Variants in CD5 observed in about 807,000 individuals in gnomAD.
CD5 encodes T-cell surface glycoprotein CD5.
Under a neutral mutation model 60.3 loss-of-function variants are expected in CD5, and 36 were observed. That is an observed-to-expected ratio of 0.60 (90% CI 0.46 to 0.79). The LOEUF is 0.79. Ranked by LOEUF, CD5 falls within the 30% of genes least tolerant of loss-of-function variation. CD5 has a pLI of 0.00. For missense variants in CD5, 540 were observed against 630.6 expected, an observed-to-expected ratio of 0.86 and a Z score of 1.54; for synonymous variants, 230 against 257.6, an observed-to-expected ratio of 0.89 and a Z score of 1.03.
At chr11:61,095,704 G>A in the CD5 span, among the ~76,000 whole-genome samples, 2 of 152,282 alleles carry the variant, frequency 1.3e-5, no homozygotes, top group African/African-American at 2.4e-5. Flanking sequence ...AGACGGTACC[G>A]TGAGGCATTA....
rs12421253 is a variant in CD5 at position 61,122,002 on chromosome 11, T to C, written c.1099+98T>C. ...TCTCTAAAGGGAAGCCCTGGGGAGC[T>C]AGACAGAGAGTCCCAGAGACCCAGA... On this transcript the variant is annotated intron_variant, in intron 6 of 10. Transcript: ENST00000347785. 3,974 of 1,097,082 alleles carry C rather than the reference T, an allele frequency of 3.6e-3. 98 individuals carry two copies. In the Admixed American group the frequency reaches 0.047, roughly 13 times the overall value. The allele number at this position is 1,097,082 out of a possible 1,614,324, so 68.0% of individuals were successfully genotyped here. A position where few individuals can be genotyped will look rare whatever the true frequency, so the allele number is the denominator to read the frequency against.
rs2134589873 is a variant in CD5, at chr11:61,102,523, C to T, written c.-38C>T. The T allele has an allele frequency of 4.5e-6, 7 of 1,543,600 alleles. No individual in the cohort carries two copies. The highest frequency in any genetic ancestry group is 6.2e-6 in the Non-Finnish European group (7 of 1,138,136). On this transcript the variant is annotated 5_prime_UTR_variant, in exon 1 of 11. Coordinates refer to ENST00000347785, the MANE Select transcript of CD5 (RefSeq NM_014207.4). Reference sequence around the variant, plus strand: ...GGCCAGACACCCTCACCTGCGGTGCCCAGCTGCCCAGGCTGAGGCAAGAGA... The same window carrying T: ...GGCCAGACACCCTCACCTGCGGTGCTCAGCTGCCCAGGCTGAGGCAAGAGA...
rs637186 is a variant in CD5 at position 61,125,134 on chromosome 11, A to G, written c.1382A>G (p.His461Arg). 0.92 allele frequency: 1,488,371 copies of G among 1,613,890 alleles called. 686,879 individuals are homozygous for G. The highest frequency in any genetic ancestry group is 1 in the East Asian group (44,826 of 44,838). ...TACAGCCAACCTCCCAGGAACTCCC[A>G]CCTGTCAGCTTATCCAGGTAAGCAC... ...NEYSQPPRNS[H>R]LSAYPALEGA... Residue 461 changes from histidine (H) to arginine (R), a missense_variant, in exon 9 of 11, where the codon CAC (histidine) becomes CGC (arginine). His to Arg is a conservative substitution (Grantham distance 29). Transcript: ENST00000347785.
At chr11:61,111,625 T>C (rs564107729) in intron 1 of CD5, among the ~76,000 whole-genome samples, 2 of 152,260 alleles carry the variant, frequency 1.3e-5, no homozygotes, top group African/African-American at 4.8e-5. Context: ...GACAAACCCA[T>C]TGCAAACTTG....
At chr11:61,102,709 CA>C in intron 1 of CD5, 94 bp downstream of exon 1, 1 of 1,085,866 alleles carries the variant, frequency 9.2e-7, no homozygotes, top group Non-Finnish European at 1.4e-6. Context: ...CTCTGGGATC[CA>C]CATGTCAGCC....
intron 7 of CD5, among the ~76,000 whole-genome samples, chr11:61,123,404 T>G (rs1861098043): frequency 6.6e-6 from 1 of 151,888 alleles, no homozygotes; most frequent in African/African-American, 2.4e-5. Context: ...CCCAAGATGC[T>G]GATTGGGACA....
chr11:61,118,952 G>A lies in CD5; in HGVS notation c.438G>A (p.Pro146=), dbSNP rs753011554. 6.9e-5 allele frequency: 112 copies of A among 1,613,492 alleles called. 1 individual carries two copies. Among genetic ancestry groups the A allele is most frequent in the South Asian group, 5.5e-4 (50 of 91,056 alleles). ...QKTTPPTTRP[P]PTTTPEPTAP... is the part of the protein sequence containing the mutation. The stretch of plus-strand genomic sequence containing the variant: ...CAACACCTCCAACGACAAGGCCCCC[G>A]CCCACCACAACTCCAGAGCCCACAG... Residue 146 remains proline (P), a synonymous_variant, in exon 4 of 11, where the codon CCG becomes CCA. Transcript: ENST00000347785. The surrounding 1 kb of genome is among the most constrained non-coding windows in gnomAD (Gnocchi z 4.7).
chr11:61,122,035 G>C, intron 6 of CD5, 131 bp downstream of exon 6: 2 of 738,746 alleles, frequency 2.7e-6, no homozygotes, highest in Non-Finnish European at 4.0e-6. Flanking sequence ...AGAAAGGATG[G>C]AGACAGGGAA....
intron 6 of CD5, 87 bp from the exon 7 acceptor site, chr11:61,122,820 G>T: frequency 7.1e-7 from 1 of 1,411,092 alleles, no homozygotes; most frequent in South Asian, 1.3e-5. Context: ...CAAGGATGAC[G>T]GCGGAAGCCA....
chr11:61,119,857 A>G (rs11230599), intron 5 of CD5, among the ~76,000 whole-genome samples: 11,249 of 152,236 alleles, frequency 0.074, 1,086 homozygotes, highest in African/African-American at 0.22. Context: ...CAGGACTTCC[A>G]GGAGGAGGCA....
rs771363007 is a variant in CD5 at position 61,122,916 on chromosome 11, C to G, written c.1109C>G (p.Pro370Arg). The G allele has an allele frequency of 5.0e-6, 8 of 1,612,974 alleles. No homozygotes were observed. The highest frequency in any genetic ancestry group is 1.1e-5 in the South Asian group (1 of 91,028). ...CTTCCTCCTTCCCCAGGCCAGGATC[C>G]AAACCCCGCAGGCCTGGCCGCAGGC... ...CKKVFVTCQD[P>R]NPAGLAAGTV... Residue 370 changes from proline to arginine, a missense_variant, in exon 7 of 11, where the codon CCA (proline) becomes CGA (arginine). Transcript: ENST00000347785.
Position 61,119,586 on chromosome 11 carries a change from C to T in CD5, c.805+11C>T. Reference sequence around the variant, plus strand: ...CCCTCCTTTGCTCAGGTAAGTGAGACCTGGCCAAGCCCCATGACACCTTCT... The same window carrying T: ...CCCTCCTTTGCTCAGGTAAGTGAGATCTGGCCAAGCCCCATGACACCTTCT... On this transcript the variant is annotated intron_variant, in intron 5 of 10. Transcript: ENST00000347785. The T allele has an allele frequency of 3.2e-6, 5 of 1,585,996 alleles. No homozygotes were observed. The highest frequency in any genetic ancestry group is 4.3e-6 in the Non-Finnish European group (5 of 1,166,044).
upstream of CD5, among the ~76,000 whole-genome samples, chr11:61,099,682 AATT>A (rs1860632959): frequency 4.1e-5 from 6 of 146,332 alleles, no homozygotes; most frequent in Non-Finnish European, 9.0e-5. Context: ...ATGGAGATCA[AATT>A]CACACATCAA....
chr11:61,112,029 T>TA (rs1860863216), intron 1 of CD5, among the ~76,000 whole-genome samples: 1 of 152,178 alleles, frequency 6.6e-6, no homozygotes, highest in African/African-American at 2.4e-5. Context: ...GCAGAGCTGA[T>TA]ACTCAGAACT....
chr11:61,110,608 C>T (rs1313205246), intron 1 of CD5, among the ~76,000 whole-genome samples: 1 of 152,210 alleles, frequency 6.6e-6, no homozygotes, highest in Non-Finnish European at 1.5e-5. Context: ...CATGGGCTTC[C>T]TGCTGGAGGG....
upstream of CD5, among the ~76,000 whole-genome samples, chr11:61,100,500 T>C (rs1860654728): frequency 8.4e-6 from 1 of 119,242 alleles, no homozygotes; most frequent in Non-Finnish European, 1.7e-5. Context: ...AACATGGAGA[T>C]CACATTCACA....
chr11:61,117,160 T>C lies in CD5; in HGVS notation c.95-1015T>C, dbSNP rs373289421. Among the ~76,000 whole-genome samples the C allele has an allele frequency of 1.5e-3, 231 of 152,360 alleles. 6 individuals carry two copies. In the South Asian group the frequency reaches 0.045, roughly 30 times the overall value. ...TCGGCAATAAAAAGGAATGAACTAC[T>C]TATGCGTCCAGTGACATAGCTAAAT... On this transcript the variant is annotated intron_variant, in intron 2 of 10. Transcript: ENST00000347785.
chr11:61,104,994 A>T (rs2134592637), intron 1 of CD5, among the ~76,000 whole-genome samples: 1 of 152,346 alleles, frequency 6.6e-6, no homozygotes, highest in Admixed American at 6.5e-5. Context: ...AGAGCTGGGG[A>T]CACCAAGGGC....
chr11:61,097,340 A>G, the CD5 span, among the ~76,000 whole-genome samples: 1 of 152,322 alleles, frequency 6.6e-6, no homozygotes, highest in African/African-American at 2.4e-5. Context: ...CAATTATTGG[A>G]CAATATTGCA....
Sources: gnomAD v4.1 joint callset for allele counts (sites outside exome capture counted in the v4.1 genomes callset) on GRCh38, gnomAD v4.1.1 for gene constraint, Gnocchi (gnomAD v3.1) non-coding constraint, MANE v1.5 for transcripts, NCBI Gene and HGNC (gene_info 2026-07-23, HGNC 2026-07-21) for gene names.